Variants in ZCCHC17 observed in about 807,000 individuals in gnomAD.
The protein encoded by ZCCHC17 is zinc finger CCHC domain-containing protein 17.
In ZCCHC17, 18 loss-of-function variants were observed where a neutral mutation model predicts 30.6. The observed-to-expected ratio is 0.59, with a 90% CI of 0.41 to 0.87. The LOEUF is 0.87. Among genes scored for constraint, ZCCHC17 ranks in the 40% least tolerant of loss-of-function variants. ZCCHC17 has a pLI of 0.00. For synonymous variants in ZCCHC17, 88 were observed against 92.4 expected (o/e 0.95, Z 0.27); for missense variants, 263 against 284.2 (o/e 0.93, Z 0.54).
chr1:31,331,890 G>A lies in ZCCHC17; in HGVS notation c.125-5285G>A, dbSNP rs533628744. ...CTCCCAAAGTGCTGGGATTACAAGC[G>A]TAAGCCACCATGCCCGGCCGAGATG... On this transcript the variant is annotated intron_variant, in intron 3 of 7. Coordinates refer to ENST00000344147, the MANE Select transcript of ZCCHC17 (RefSeq NM_016505.4). Among the ~76,000 whole-genome samples the A allele has an allele frequency of 3.0e-4, 45 of 152,172 alleles. 1 individual carries two copies. The South Asian group carries it at 9.1e-3, about 31-fold the overall frequency.
At chr1:31,340,658 A>C (rs1023342053) in intron 5 of ZCCHC17, among the ~76,000 whole-genome samples, 2 of 152,218 alleles carry the variant, frequency 1.3e-5, no homozygotes, top group African/African-American at 4.8e-5. Context: ...TTAGAAAGCC[A>C]TCCAAAATTC....
At chr1:31,361,786 A>ATTATTTATTTATTTAT (rs3049344) in intron 7 of ZCCHC17, among the ~76,000 whole-genome samples, 1 of 145,814 alleles carries the variant, frequency 6.9e-6, no homozygotes, top group Non-Finnish European at 1.5e-5. Context: ...AGAGGGGGAG[A>ATTATTTATTTATTTAT]TTATTTATTT....
chr1:31,342,985 G>A (rs905949356), intron 5 of ZCCHC17, among the ~76,000 whole-genome samples: 2 of 152,208 alleles, frequency 1.3e-5, no homozygotes, highest in African/African-American at 4.8e-5. Flanking sequence ...GGAAAGAAGA[G>A]GATATGGTCA....
chr1:31,356,432 G>C (rs1350636721), intron 7 of ZCCHC17, among the ~76,000 whole-genome samples: 1 of 152,216 alleles, frequency 6.6e-6, no homozygotes, highest in Non-Finnish European at 1.5e-5. Context: ...GAAAATGGTA[G>C]ACCTGTTGAG....
chr1:31,339,114 T>G, intron 5 of ZCCHC17, 66 bp downstream of exon 5: 4 of 1,195,132 alleles, frequency 3.3e-6, no homozygotes, highest in Non-Finnish European at 4.8e-6. Flanking sequence ...GTTTAGTAAA[T>G]CAGACTGAAC....
At chr1:31,312,035 A>G (rs1646617647) in intron 2 of ZCCHC17, among the ~76,000 whole-genome samples, 2 of 152,210 alleles carry the variant, frequency 1.3e-5, no homozygotes, top group Admixed American at 1.3e-4. Flanking sequence ...GGAAGCAGAC[A>G]GTGAGCCCTT....
At chr1:31,336,017 T>C (rs1638801554) in intron 3 of ZCCHC17, among the ~76,000 whole-genome samples, 1 of 152,200 alleles carries the variant, frequency 6.6e-6, no homozygotes, top group Non-Finnish European at 1.5e-5. Context: ...TATATATTTT[T>C]TAACCTCTGT....
chr1:31,343,006 T>A (rs1416759688), intron 5 of ZCCHC17, among the ~76,000 whole-genome samples: 1 of 152,222 alleles, frequency 6.6e-6, no homozygotes, highest in Non-Finnish European at 1.5e-5. Context: ...AGTACTAGAA[T>A]GGAAGGCTTG....
At chr1:31,309,373 A>G (rs950831525) in intron 1 of ZCCHC17, among the ~76,000 whole-genome samples, 4 of 152,100 alleles carry the variant, frequency 2.6e-5, no homozygotes, top group Admixed American at 6.6e-5. Context: ...TCTGGGGTGC[A>G]GTGGTGTGAT....
intron 1 of ZCCHC17, among the ~76,000 whole-genome samples, chr1:31,301,903 G>A (rs914335278): frequency 6.6e-6 from 1 of 152,144 alleles, no homozygotes; most frequent in African/African-American, 2.4e-5. Flanking sequence ...TTTGGTGGGA[G>A]GGAGGAAAGT....
At chr1:31,335,611 C>T (rs1638784074) in intron 3 of ZCCHC17, among the ~76,000 whole-genome samples, 1 of 152,164 alleles carries the variant, frequency 6.6e-6, no homozygotes, top group Non-Finnish European at 1.5e-5. Context: ...TACCTGGGCT[C>T]AAGCAGTCCT....
At chr1:31,317,989 A>C (rs1457586284) in intron 2 of ZCCHC17, among the ~76,000 whole-genome samples, 2 of 152,240 alleles carry the variant, frequency 1.3e-5, no homozygotes, top group Non-Finnish European at 2.9e-5. Flanking sequence ...TATGTTACTT[A>C]ATCTCTTCAT....
In ZCCHC17 at chr1:31,364,530, G is replaced by A; in HGVS notation, c.*337G>A. On this transcript the variant is annotated 3_prime_UTR_variant, in exon 8 of 8. Coordinates refer to ENST00000344147, the MANE Select transcript of ZCCHC17 (RefSeq NM_016505.4). ...GCTGGATTCCTGTAAAGGAGTCCAG[G>A]CTAGAGCCACAGAGACTGTTGTGGA... 1 of 293,060 alleles carries A rather than the reference G, an allele frequency of 3.4e-6. No individual in the cohort carries two copies. The highest frequency in any genetic ancestry group is 6.5e-6 in the Non-Finnish European group (1 of 154,252). 18.2% of individuals were successfully genotyped at this position (293,060 alleles called of 1,614,324 possible). A position where few individuals can be genotyped will look rare whatever the true frequency, so the allele number is the denominator to read the frequency against.
intron 5 of ZCCHC17, among the ~76,000 whole-genome samples, chr1:31,339,960 CTTTTTTTTTTTTT>C (rs36008834): frequency 4.4e-5 from 4 of 90,402 alleles, no homozygotes; most frequent in African/African-American, 6.9e-5. Context: ...TCTTGGATTT[CTTTTTTTTTTTTT>C]TTTTTTTTTT....
intron 1 of ZCCHC17, among the ~76,000 whole-genome samples, chr1:31,308,376 T>C (rs1268419352): frequency 3.3e-5 from 5 of 152,222 alleles, no homozygotes; most frequent in Non-Finnish European, 7.3e-5. Context: ...GAAAGGATTT[T>C]CTTTCATTTC....
At chr1:31,354,558 T>C (rs1639576531) in intron 7 of ZCCHC17, among the ~76,000 whole-genome samples, 1 of 152,218 alleles carries the variant, frequency 6.6e-6, no homozygotes, top group Admixed American at 6.5e-5. Flanking sequence ...AGCATTATTC[T>C]TTCTCTTTTA....
rs1262204807 is a variant in ZCCHC17 at position 31,310,704 on chromosome 1, C to T, written c.66+540C>T. 2.0e-5 allele frequency among the ~76,000 whole-genome samples: 3 copies of T among 152,358 alleles called. No homozygotes were observed. In the East Asian group the frequency reaches 5.8e-4, roughly 29 times the overall value. On this transcript the variant is annotated intron_variant, in intron 2 of 7. Transcript: ENST00000344147. The stretch of plus-strand genomic sequence containing the variant: ...CCAGAACTATGAGCCAAATAAATTT[C>T]ATTTCTTTATAAATTATCCAGTCTC...
intron 1 of ZCCHC17, among the ~76,000 whole-genome samples, chr1:31,298,460 A>G (rs559657841): frequency 1.3e-5 from 2 of 149,202 alleles, no homozygotes; most frequent in Non-Finnish European, 2.9e-5. Flanking sequence ...ACCTTGGCTC[A>G]CTGCAACCTC....
chr1:31,342,892 G>A (rs979182919), intron 5 of ZCCHC17, among the ~76,000 whole-genome samples: 1 of 152,172 alleles, frequency 6.6e-6, no homozygotes, highest in Non-Finnish European at 1.5e-5. Context: ...GCAGGGGAAG[G>A]AATGGTATTT....
Sources: gnomAD v4.1 joint callset for allele counts (sites outside exome capture counted in the v4.1 genomes callset) on GRCh38, gnomAD v4.1.1 for gene constraint, MANE v1.5 for transcripts, NCBI Gene and HGNC (gene_info 2026-07-23, HGNC 2026-07-21) for gene names.